The following OPRM1 variants were observed in gnomAD, a reference collection of about 807,000 sequenced individuals.
The protein encoded by OPRM1 is opioid receptor mu 1.
In OPRM1, 27 loss-of-function variants were observed where a neutral mutation model predicts 31.8. The observed-to-expected ratio is 0.85, with a 90% confidence interval of 0.63 to 1.17. OPRM1 has a LOEUF of 1.17. Among genes scored for constraint, OPRM1 ranks in the 50% most tolerant of loss-of-function variants. The pLI is 0.00. For synonymous variants in OPRM1, 196 were observed against 189.9 expected, an observed-to-expected ratio of 1.03 and a Z score of -0.26; for missense variants, 536 against 511.1, an observed-to-expected ratio of 1.05 and a Z score of -0.47.
At chr6:154,086,986 T>C in intron 1 of OPRM1, 2 of 984,160 alleles carry the variant, frequency 2.0e-6, no homozygotes, top group Non-Finnish European at 1.2e-6. Flanking sequence ...TTTTGTACTT[T>C]GGAGTATTTG....
intron 1 of OPRM1, among the ~76,000 whole-genome samples, chr6:154,027,284 C>CTTGTTTGTTTGTTTGT (rs111711727): frequency 0.055 from 8,323 of 151,644 alleles, 286 homozygotes; most frequent in African/African-American, 0.09. Flanking sequence ...TCTTGTGTTT[C>CTTGTTTGTTTGTTTGT]TTGTTTGTTT....
At chr6:154,084,125 T>C (rs1263277339) in intron 1 of OPRM1, among the ~76,000 whole-genome samples, 2 of 152,114 alleles carry the variant, frequency 1.3e-5, no homozygotes, top group South Asian at 4.1e-4. Flanking sequence ...TCCTTTCCCG[T>C]CGCAGGATTC....
intron 1 of OPRM1, among the ~76,000 whole-genome samples, chr6:154,083,905 C>T (rs1173257503): frequency 2.9e-5 from 4 of 135,608 alleles, no homozygotes; most frequent in Non-Finnish European, 6.1e-5. Flanking sequence ...GATCGCGCCA[C>T]TGCACTCCAG....
At position 154,190,592 on chromosome 6, in the gene OPRM1, C is replaced by T. The variant is rs114245004; in HGVS notation, c.1165-56101C>T. Among the ~76,000 whole-genome samples the T allele has an allele frequency of 2.7e-3, 409 of 152,316 alleles. 2 individuals carry two copies. Among genetic ancestry groups the T allele is most frequent in the African/African-American group, 8.2e-3 (339 of 41,554 alleles). ...AAAATGGTACAGCCACTTTGCAAGA[C>T]AGTTTGGCATCTCTTATACAGTTAA... On this transcript the variant is annotated intron_variant, in intron 3 of 3. Coordinates refer to the OPRM1 transcript ENST00000337049.
At chr6:154,161,103 A>T (rs1016234146) in intron 3 of OPRM1, among the ~76,000 whole-genome samples, 2 of 152,156 alleles carry the variant, frequency 1.3e-5, no homozygotes, top group Non-Finnish European at 2.9e-5. Flanking sequence ...TTGTTGTGCC[A>T]CATGAAGAAT....
At chr6:154,216,436 C>A (rs1392487354) in intron 3 of OPRM1, among the ~76,000 whole-genome samples, 3 of 144,706 alleles carry the variant, frequency 2.1e-5, no homozygotes, top group South Asian at 2.2e-4. Context: ...AAATGGAAAA[C>A]CCTAATATAC....
chr6:154,054,923 A>T (rs1782940265), intron 1 of OPRM1, among the ~76,000 whole-genome samples: 1 of 152,232 alleles, frequency 6.6e-6, no homozygotes, highest in African/African-American at 2.4e-5. Context: ...AAAAGCAGAC[A>T]TGTTTAGATG....
chr6:154,154,647 G>A (rs1052907126), intron 3 of OPRM1: 1 of 152,202 alleles, frequency 6.6e-6, no homozygotes, highest in African/African-American at 2.4e-5. Context: ...CTTTGAGAAA[G>A]CAACACTGCA....
chr6:154,133,116 A>G (rs608288), downstream of OPRM1, among the ~76,000 whole-genome samples: 134,330 of 148,156 alleles, frequency 0.91, 60,952 homozygotes, highest in East Asian at 0.98. Flanking sequence ...GTGAGACTCC[A>G]TCTCAAAAAA....
chr6:154,235,531 CAA>C (rs34877577), intron 3 of OPRM1, among the ~76,000 whole-genome samples: 14 of 97,584 alleles, frequency 1.4e-4, no homozygotes, highest in Non-Finnish European at 2.0e-4. Context: ...AACTCTGTCA[CAA>C]AAAAAAAAAA....
intron 1 of OPRM1, among the ~76,000 whole-genome samples, chr6:154,085,263 T>C (rs1286512600): frequency 1.3e-5 from 2 of 152,122 alleles, no homozygotes; most frequent in Non-Finnish European, 2.9e-5. Context: ...ATATGCAACA[T>C]AAAAGAATAG....
chr6:154,239,170 A>C (rs1780377883), intron 3 of OPRM1, among the ~76,000 whole-genome samples: 1 of 152,198 alleles, frequency 6.6e-6, no homozygotes, highest in African/African-American at 2.4e-5. Context: ...GTTAATTTTG[A>C]AAAGTTTGGA....
chr6:154,015,857 G>C (rs892748198), intron 1 of OPRM1, among the ~76,000 whole-genome samples: 3 of 151,930 alleles, frequency 2.0e-5, no homozygotes, highest in Non-Finnish European at 4.4e-5. Context: ...TTAACTCTGA[G>C]AGATGGTCAA....
At chr6:154,220,590 C>A (rs142020349) in intron 3 of OPRM1, among the ~76,000 whole-genome samples, 1 of 152,054 alleles carries the variant, frequency 6.6e-6, no homozygotes, top group East Asian at 1.9e-4. Context: ...TGCAGTGAGC[C>A]GAGATCGCAC....
intron 1 of OPRM1, among the ~76,000 whole-genome samples, chr6:154,080,050 A>G (rs1312210531): frequency 6.6e-6 from 1 of 152,142 alleles, no homozygotes; most frequent in East Asian, 1.9e-4. Flanking sequence ...TTAATGAAAA[A>G]TTTATTTATT....
At chr6:154,170,204 G>A (rs1799762134) in intron 3 of OPRM1, among the ~76,000 whole-genome samples, 1 of 152,116 alleles carries the variant, frequency 6.6e-6, no homozygotes, top group Non-Finnish European at 1.5e-5. Flanking sequence ...GAAAGCTTGG[G>A]AAAGAAATAC....
intron 3 of OPRM1, among the ~76,000 whole-genome samples, chr6:154,227,295 T>G (rs2103277): frequency 0.32 from 49,133 of 152,108 alleles, 8,455 homozygotes; most frequent in Admixed American, 0.48. Context: ...GCACCCAATT[T>G]ATGGCATGAT....
chr6:154,122,807 A>G lies in OPRM1; in HGVS notation c.*4086A>G, dbSNP rs1310804931. 6.6e-6 allele frequency among the ~76,000 whole-genome samples: 1 copy of G among 152,136 alleles called. No individual in the cohort carries two copies. The highest frequency in any genetic ancestry group is 2.4e-5 in the African/African-American group (1 of 41,434). On this transcript the variant is annotated 3_prime_UTR_variant, in exon 4 of 4. Transcript: ENST00000330432. ...AGTTCAATTTAATGCAAACAATATTACTGTGTTCTAAGCGCTTCTGTTACT... is the reference window on the plus strand; with the variant it reads ...AGTTCAATTTAATGCAAACAATATTGCTGTGTTCTAAGCGCTTCTGTTACT...
At chr6:154,106,393 A>G (rs1156948977) in intron 3 of OPRM1, among the ~76,000 whole-genome samples, 6 of 152,262 alleles carry the variant, frequency 3.9e-5, no homozygotes, top group African/African-American at 1.4e-4. Context: ...AAGTGCAGAT[A>G]AGAGCTGGCT....
Sources: allele counts gnomAD v4.1 joint callset (sites outside exome capture counted in the v4.1 genomes callset), GRCh38; gene constraint gnomAD v4.1.1; transcripts MANE v1.5; gene names NCBI Gene and HGNC (gene_info 2026-07-23, HGNC 2026-07-21).